Variants in SLC2A7 observed in about 807,000 individuals in gnomAD.
SLC2A7 encodes solute carrier family 2, facilitated glucose transporter member 7.
In SLC2A7, 50 loss-of-function variants were observed where a neutral mutation model predicts 50.5. The ratio of observed to expected loss-of-function variants is 0.99; its 90% CI spans 0.79 to 1.25. The LOEUF is 1.25. SLC2A7 is among the 50% of genes most tolerant of loss of function. The pLI is 0.00. For missense variants in SLC2A7, 683 were observed against 679.1 expected (o/e 1.01, Z -0.06); for synonymous variants, 308 against 300.4 (o/e 1.03, Z -0.26).
At chr1:9,014,914 G>T in intron 6 of SLC2A7, 46 bp from the exon 7 acceptor site, 1 of 1,535,036 alleles carries the variant, frequency 6.5e-7, no homozygotes, top group Non-Finnish European at 8.8e-7. Context: ...CTCCCTGCAG[G>T]CTGGGCCCCA....
Position 9,022,939 on chromosome 1 carries a change from A to G in SLC2A7, c.290T>C (p.Leu97Pro), listed in dbSNP as rs201765487. 1.9e-5 allele frequency: 31 copies of G among 1,614,086 alleles called. No homozygotes were observed. The Admixed American group carries it at 5.0e-4, about 26-fold the overall frequency. ...TTACCTGCCGCAGCTATCAACCAGC[A>G]GGCCCACGAGCAATGACCCCAACAG... is the stretch of plus-strand genomic sequence containing the variant. ...GGLLGSLLVG[L>P]LVDSCGRKGT... The change falls in exon 3 of 12, where the codon CTG becomes CCG. Residue 97 changes from leucine (L) to proline (P), a missense_variant. By Grantham distance (98) the Leu-to-Pro change is moderately conservative. Coordinates refer to ENST00000400906, the MANE Select transcript of SLC2A7 (RefSeq NM_207420.3).
intron 1 of SLC2A7, 21 bp downstream of exon 1, chr1:9,026,274 G>T (rs935787427): frequency 6.2e-7 from 1 of 1,607,164 alleles, no homozygotes; most frequent in African/African-American, 1.3e-5. Context: ...ACAGTGACAG[G>T]TTCCTAGTCT....
At chr1:9,019,501 T>C (rs1640882187) in intron 3 of SLC2A7, among the ~76,000 whole-genome samples, 168 bp from the exon 4 acceptor site, 1 of 152,130 alleles carries the variant, frequency 6.6e-6, no homozygotes, top group African/African-American at 2.4e-5. Context: ...AATTCCTATG[T>C]TGAAGGCCTT....
intron 8 of SLC2A7, among the ~76,000 whole-genome samples, chr1:9,011,786 G>T (rs552596828): frequency 7.8e-4 from 87 of 111,916 alleles, no homozygotes; most frequent in African/African-American, 3.1e-3. Context: ...GTCTCACTCT[G>T]TCACCCAGGC....
chr1:9,005,946 C>A (rs532348987), intron 10 of SLC2A7, among the ~76,000 whole-genome samples: 1 of 152,176 alleles, frequency 6.6e-6, no homozygotes, highest in Non-Finnish European at 1.5e-5. Flanking sequence ...GGCCCTGACC[C>A]CAAAGTGGAC....
chr1:9,001,419 ATTTTT>A (rs767748961), downstream of SLC2A7, among the ~76,000 whole-genome samples: 1 of 124,306 alleles, frequency 8.0e-6, no homozygotes, highest in Non-Finnish European at 1.7e-5. Context: ...TGCAGGTGCT[ATTTTT>A]TTTTTTTTTT....
chr1:9,023,011 A>G lies in SLC2A7; in HGVS notation c.218T>C (p.Met73Thr), dbSNP rs1322603454. The change falls in exon 3 of 12, where the codon ATG (methionine) becomes ACG (threonine). Residue 73 changes from methionine to threonine, a missense_variant. Coordinates refer to ENST00000400906, the MANE Select transcript of SLC2A7 (RefSeq NM_207420.3). The part of the protein sequence containing the change: ...RHATFMDGKL[M>T]LLLWSCTVSM... ...GACGGTGCAAGACCATAGAAGCAGC[A>G]TGAGCTTCCCGTCCATGAATGTTGC... 6.2e-7 allele frequency: 1 copy of G among 1,614,226 alleles called. No homozygotes were observed. Among genetic ancestry groups the G allele is most frequent in the Non-Finnish European group, 8.5e-7 (1 of 1,180,042 alleles).
At chr1:9,011,750 T>TC in intron 8 of SLC2A7, among the ~76,000 whole-genome samples, 3 of 131,580 alleles carry the variant, frequency 2.3e-5, no homozygotes, top group South Asian at 2.5e-4. Context: ...CTTCTTCTTT[T>TC]TTTTTTTTTT....
At chr1:9,000,609 A>C (rs1475017537), downstream of SLC2A7, among the ~76,000 whole-genome samples, 2 of 151,896 alleles carry the variant, frequency 1.3e-5, no homozygotes, top group African/African-American at 4.8e-5. Flanking sequence ...ACAGAGCAAG[A>C]CTCTGTCTCA....
chr1:9,024,932 G>T, intron 2 of SLC2A7, 44 bp downstream of exon 2: 2 of 1,601,644 alleles, frequency 1.2e-6, no homozygotes, highest in Non-Finnish European at 1.7e-6. Flanking sequence ...CCACGACCCC[G>T]GTCAGCTGCT....
chr1:9,007,473 G>T, intron 9 of SLC2A7, 88 bp from the exon 10 acceptor site: 2 of 1,250,380 alleles, frequency 1.6e-6, no homozygotes, highest in Non-Finnish European at 1.1e-6. Flanking sequence ...TCCTGCCCCA[G>T]GGAGGAGCTG....
At chr1:9,025,399 T>C (rs1569813998) in intron 1 of SLC2A7, among the ~76,000 whole-genome samples, 1 of 152,202 alleles carries the variant, frequency 6.6e-6, no homozygotes. Context: ...GCTCACTTTC[T>C]AGTGAGGGGA....
At chr1:9,018,430 G>C in intron 4 of SLC2A7, 55 bp from the exon 5 acceptor site, 2 of 1,604,072 alleles carry the variant, frequency 1.2e-6, no homozygotes, top group Non-Finnish European at 1.7e-6. Flanking sequence ...CAGAATCTGA[G>C]ATGCAATTCA....
rs780217546 is a variant in SLC2A7, at chr1:9,014,792, G to A, written c.792C>T (p.Arg264=). Residue 264 remains arginine, a synonymous_variant, in exon 7 of 12, where the codon CGC becomes CGT. Coordinates refer to ENST00000400906, the MANE Select transcript of SLC2A7 (RefSeq NM_207420.3). ...EDMRAEARAE[R]AEGHLSVLHL... ...GCAGCACAGACAGGTGGCCCTCGGC[G>A]CGCTCGGCCCGGGCCTCCGCACGCA... 5 of 1,601,720 alleles carry A rather than the reference G, an allele frequency of 3.1e-6. No individual in the cohort carries two copies. Among genetic ancestry groups the A allele is most frequent in the Admixed American group, 3.4e-5 (2 of 58,328 alleles).
chr1:9,014,550 C>T, intron 7 of SLC2A7, 131 bp downstream of exon 7: 1 of 1,100,226 alleles, frequency 9.1e-7, no homozygotes, highest in Non-Finnish European at 1.3e-6. Context: ...TTCTTCCTGA[C>T]ATCTGGCTCT....
At chr1:9,022,376 TA>T (rs1640924300) in intron 3 of SLC2A7, among the ~76,000 whole-genome samples, 1 of 152,082 alleles carries the variant, frequency 6.6e-6, no homozygotes, top group African/African-American at 2.4e-5. Flanking sequence ...CACCTGGGCT[TA>T]GGAAGAATGA....
rs1640876011 is a variant in SLC2A7, at chr1:9,019,247, A to G, written c.398T>C (p.Leu133Pro). The change falls in exon 4 of 12, where the codon CTG becomes CCG. Residue 133 changes from leucine (L) to proline (P), a missense_variant. Leu to Pro is a moderately conservative substitution (Grantham distance 98, BLOSUM62 -3). Transcript: ENST00000400906. ...CAGCACCACTCGGGAAAAGACGATC[A>G]GCTCAAAAGCCTTGGCCACTTTGCT... is the stretch of plus-strand genomic sequence containing the variant. Reference protein sequence around the residue: ...GVSKVAKAFELIVFSRVVLGV... With the variant: ...GVSKVAKAFEPIVFSRVVLGV... 6.2e-7 allele frequency: 1 copy of G among 1,614,032 alleles called. No individual in the cohort carries two copies. The highest frequency in any genetic ancestry group is 1.3e-5 in the African/African-American group (1 of 74,946).
intron 7 of SLC2A7, 134 bp from the exon 8 acceptor site, chr1:9,013,769 T>C (rs778255356): frequency 2.1e-4 from 145 of 694,202 alleles, no homozygotes; most frequent in Non-Finnish European, 3.0e-4. Context: ...TAGCAGGTGG[T>C]GGGAAAAAGA....
the SLC2A7 span, among the ~76,000 whole-genome samples, chr1:8,994,463 CG>C: frequency 7.9e-4 from 121 of 152,210 alleles, no homozygotes; most frequent in African/African-American, 2.7e-3. Context: ...CAAAGACACG[CG>C]GGGAGAGGCT....
Sources: allele counts gnomAD v4.1 joint callset (sites outside exome capture counted in the v4.1 genomes callset), GRCh38; gene constraint gnomAD v4.1.1; transcripts MANE v1.5; gene names NCBI Gene and HGNC (gene_info 2026-07-23, HGNC 2026-07-21).